ANKRD28: variants seen among roughly 807,000 people sequenced by gnomAD.
The protein encoded by ANKRD28 is ankyrin repeat domain 28.
ANKRD28 carries 44 observed loss-of-function variants against 126.5 expected under a neutral mutation model. The observed-to-expected ratio is 0.35, with a 90% CI of 0.27 to 0.45. The LOEUF (loss-of-function observed/expected upper bound fraction) is 0.45, where lower values mean the gene tolerates loss of function less well. Ranked by LOEUF, ANKRD28 falls within the 20% of genes least tolerant of loss-of-function variation. ANKRD28 has a pLI of 1.00. For missense variants in ANKRD28, 1,110 were observed against 1,316.6 expected (o/e 0.84, Z 2.43); for synonymous variants, 442 against 468.5 (o/e 0.94, Z 0.73).
chr3:15,782,303 G>A (rs1426362513), intron 2 of ANKRD28, among the ~76,000 whole-genome samples: 5 of 152,066 alleles, frequency 3.3e-5, no homozygotes, highest in African/African-American at 7.2e-5. Context: ...TTTCAGTAGC[G>A]CAGAATTATT....
chr3:15,699,595 A>T (rs988452358), intron 14 of ANKRD28, among the ~76,000 whole-genome samples: 1 of 152,276 alleles, frequency 6.6e-6, no homozygotes, highest in Non-Finnish European at 1.5e-5. Flanking sequence ...GACACTTCTC[A>T]AAAGATGACA....
intron 14 of ANKRD28, among the ~76,000 whole-genome samples, chr3:15,706,406 A>G (rs1188153207): frequency 2.5e-5 from 3 of 120,158 alleles, no homozygotes; most frequent in African/African-American, 7.9e-5. Flanking sequence ...ATGTTCCTAC[A>G]AAGGACATAA....
intron 1 of ANKRD28, among the ~76,000 whole-genome samples, chr3:15,850,190 TAAAAAAAA>T (rs1238069051): frequency 1.6e-4 from 5 of 31,960 alleles, no homozygotes; most frequent in East Asian, 1.2e-3. Context: ...CTACATGCAA[TAAAAAAAA>T]AAAAAAATAT....
chr3:15,716,828 G>A (rs1444393587), intron 8 of ANKRD28, among the ~76,000 whole-genome samples: 1 of 152,168 alleles, frequency 6.6e-6, no homozygotes, highest in Non-Finnish European at 1.5e-5. Context: ...CAGGCACGGT[G>A]GCTCATATCT....
At chr3:15,704,476 A>G (rs2071075604) in intron 14 of ANKRD28, among the ~76,000 whole-genome samples, 1 of 152,328 alleles carries the variant, frequency 6.6e-6, no homozygotes, top group South Asian at 2.1e-4. Flanking sequence ...TTAAAGGTAG[A>G]AACTGTGATG....
intron 1 of ANKRD28, among the ~76,000 whole-genome samples, chr3:15,856,987 T>C (rs537365752): frequency 6.6e-5 from 10 of 152,348 alleles, no homozygotes; most frequent in African/African-American, 2.2e-4. Flanking sequence ...TAGAAGTCTG[T>C]ATGTCCTTAC....
upstream of ANKRD28, among the ~76,000 whole-genome samples, chr3:15,801,067 A>G (rs12490694): frequency 4.4e-3 from 666 of 152,248 alleles, 3 homozygotes; most frequent in South Asian, 0.011. The surrounding 1 kb of genome is among the most constrained non-coding windows in gnomAD (Gnocchi z 4.9). Flanking sequence ...GAGAAATATC[A>G]AGGGGATGTG....
intron 21 of ANKRD28, among the ~76,000 whole-genome samples, chr3:15,680,448 C>T (rs2067423058): frequency 6.6e-6 from 1 of 152,030 alleles, no homozygotes; most frequent in South Asian, 2.1e-4. Context: ...CTCAGGTGAT[C>T]CACCTGCCTC....
intron 14 of ANKRD28, chr3:15,697,492 A>G (rs2125908300): frequency 6.6e-6 from 1 of 152,228 alleles, no homozygotes; most frequent in Admixed American, 6.5e-5. Context: ...CAATAAAAAT[A>G]AATTTAATCA....
At chr3:15,773,399 CG>C (rs1217695421) in intron 2 of ANKRD28, among the ~76,000 whole-genome samples, 1 of 152,056 alleles carries the variant, frequency 6.6e-6, no homozygotes, top group Non-Finnish European at 1.5e-5. Context: ...CTAAGGTGGG[CG>C]GATCACCTGA....
In ANKRD28 at chr3:15,711,291, A is replaced by G; in HGVS notation, c.1274-17T>C. On this transcript the variant is annotated splice_polypyrimidine_tract_variant and intron_variant, in intron 11 of 27. Coordinates refer to ENST00000683139, the MANE Select transcript of ANKRD28 (RefSeq NM_001349278.2). ...TATCAAATCCTACAAGAATGAATAC[A>G]TCTTATTTATAACAGACATATTATT... 3.8e-6 allele frequency: 6 copies of G among 1,587,040 alleles called. No individual in the cohort carries two copies. The highest frequency in any genetic ancestry group is 5.2e-6 in the Non-Finnish European group (6 of 1,158,342).
chr3:15,724,670 G>C (rs948693970), intron 6 of ANKRD28, 146 bp from the exon 7 acceptor site: 1 of 785,028 alleles, frequency 1.3e-6, no homozygotes, highest in Non-Finnish European at 2.0e-6. Flanking sequence ...CTTGAGAGAG[G>C]ACAGAAGGAA....
At position 15,680,216 on chromosome 3, in the gene ANKRD28, A is replaced by ATTC; in HGVS notation, c.2390-654_2390-653insGAA. ...ATAGCATATATGAAATATTATTATTATTATTTTAGATGGAGTCTCACTCTG... is the reference window on the plus strand; with the variant it reads ...ATAGCATATATGAAATATTATTATTATTCTTATTTTAGATGGAGTCTCACTCTG... On this transcript the variant is annotated intron_variant, in intron 21 of 27. Transcript: ENST00000683139. Among the ~76,000 whole-genome samples, 2 of 151,554 alleles carry ATTC rather than the reference A, an allele frequency of 1.3e-5. 1 individual carries two copies. The highest frequency in any genetic ancestry group is 6.8e-3 in the Middle Eastern group (2 of 292).
chr3:15,782,920 C>T (rs2059602461), intron 2 of ANKRD28, among the ~76,000 whole-genome samples: 1 of 152,016 alleles, frequency 6.6e-6, no homozygotes, highest in South Asian at 2.1e-4. Flanking sequence ...TGGCATAAAG[C>T]CTCTTTCCTT....
Position 15,796,620 on chromosome 3 carries a change from C to A in ANKRD28, c.-99G>T. ...TCCTCTTCTGTACAACACTTACAAA[C>A]ATTCTCTGAACAGCACAGCTGGGTT... On this transcript the variant is annotated 5_prime_UTR_variant, in exon 1 of 28. An upstream start codon of the reference 5' UTR is lost. Transcript: ENST00000683139. 9.1e-7 allele frequency: 1 copy of A among 1,094,848 alleles called. No individual in the cohort carries two copies. The highest frequency in any genetic ancestry group is 2.2e-5 in the South Asian group (1 of 46,486). 67.8% of individuals were successfully genotyped at this position (1,094,848 alleles called of 1,614,324 possible). A position where few individuals can be genotyped will look rare whatever the true frequency, so the allele number is the denominator to read the frequency against.
rs376633083 is a variant in ANKRD28 at position 15,694,517 on chromosome 3, C to CT, written c.1761+221dup. On this transcript the variant is annotated intron_variant, in intron 17 of 27. Transcript: ENST00000683139. ...GGGAAGCCTAAGGATCACTGTCTGT[C>CT]TTTTTTTTTTTTTTCTAAAGCAAGA... Among the ~76,000 whole-genome samples, 546 of 142,486 alleles carry CT rather than the reference C, an allele frequency of 3.8e-3. 2 individuals carry two copies. Among genetic ancestry groups the CT allele is most frequent in the East Asian group, 4.4e-3 (22 of 4,956 alleles). 93.5% of individuals were successfully genotyped at this position (142,486 alleles called of 152,430 possible). A position where few individuals can be genotyped will look rare whatever the true frequency, so the allele number is the denominator to read the frequency against.
chr3:15,812,535 T>C lies in ANKRD28; in HGVS notation c.28-17229A>G, dbSNP rs141260326. Among the ~76,000 whole-genome samples the C allele has an allele frequency of 1.9e-3, 288 of 152,388 alleles. 4 individuals are homozygous for C. The East Asian group carries it at 0.051, about 27-fold the overall frequency. ...GCTATATAATACTGAGGGTATCTGC[T>C]ATTTGTTACCATTTTCTTAATCAAA... On this transcript the variant is annotated intron_variant, in intron 1 of 27. Transcript: ENST00000399451. The surrounding 1 kb of genome is among the most constrained non-coding windows in gnomAD (Gnocchi z 4.1).
Position 15,814,842 on chromosome 3 carries a change from T to C in ANKRD28, c.28-19536A>G, listed in dbSNP as rs148758840. On this transcript the variant is annotated intron_variant, in intron 1 of 27. Transcript: ENST00000399451. This position sits in a 1 kb window ranked among gnomAD's most constrained non-coding sequence, Gnocchi z 4.7. ...ATAAATTTAAGAAATCACTGCAATA[T>C]CTCTCAAAGAAAACTCTGGTAATTT... 2.6e-4 allele frequency among the ~76,000 whole-genome samples: 39 copies of C among 151,080 alleles called. No individual in the cohort carries two copies. In the South Asian group the frequency reaches 5.2e-3, roughly 20 times the overall value.
chr3:15,797,016 G>A lies in ANKRD28; in HGVS notation c.-495C>T. On this transcript the variant is annotated 5_prime_UTR_variant, in exon 1 of 28. Transcript: ENST00000683139. ...TCATATAGTTACCAGTAGCTGTTTT[G>A]CTTATAATTGAAAATAAAAAATAAA... The A allele has an allele frequency of 1.0e-6, 1 of 985,060 alleles. No individual in the cohort carries two copies. Among genetic ancestry groups the A allele is most frequent in the Non-Finnish European group, 1.2e-6 (1 of 829,762 alleles). 61.0% of individuals were successfully genotyped at this position (985,060 alleles called of 1,614,324 possible). A position where few individuals can be genotyped will look rare whatever the true frequency, so the allele number is the denominator to read the frequency against.
Sources: allele counts gnomAD v4.1 joint callset (sites outside exome capture counted in the v4.1 genomes callset), GRCh38; gene constraint gnomAD v4.1.1; non-coding constraint Gnocchi (gnomAD v3.1); transcripts MANE v1.5; gene names NCBI Gene and HGNC (gene_info 2026-07-23, HGNC 2026-07-21).